Variants in ZGRF1 observed in about 807,000 individuals in gnomAD.
ZGRF1 encodes the protein 5'-3' DNA helicase ZGRF1.
In ZGRF1, 196 loss-of-function variants were observed where a neutral mutation model predicts 203.5. The ratio of observed to expected loss-of-function variants is 0.96; its 90% CI spans 0.86 to 1.08. The LOEUF (loss-of-function observed/expected upper bound fraction) is 1.08, where lower values mean the gene tolerates loss of function less well. Ranked by LOEUF, ZGRF1 falls within the 50% of genes least tolerant of loss-of-function variation. ZGRF1 has a pLI of 0.00. For missense variants in ZGRF1, 2,326 were observed against 2,416.3 expected, an observed-to-expected ratio of 0.96 and a Z score of 0.78; for synonymous variants, 809 against 841.3, an observed-to-expected ratio of 0.96 and a Z score of 0.66.
intron 24 of ZGRF1, among the ~76,000 whole-genome samples, chr4:112,544,802 T>C (rs916016602): frequency 9.2e-5 from 14 of 152,192 alleles, no homozygotes; most frequent in Middle Eastern, 6.8e-3. Flanking sequence ...CAATGACCAA[T>C]GGAAAAGAAT....
At chr4:112,554,905 GA>G in intron 20 of ZGRF1, 123 bp from the exon 21 acceptor site, 1 of 496,310 alleles carries the variant, frequency 2.0e-6, no homozygotes, top group Non-Finnish European at 3.5e-6. Context: ...AATTTAATGT[GA>G]AATACCTAAA....
Position 112,631,967 on chromosome 4 carries a change from T to C in ZGRF1, c.65A>G (p.Gln22Arg), listed in dbSNP as rs898098455. The change falls in exon 3 of 28, where the codon CAA (glutamine) becomes CGA (arginine). Residue 22 changes from glutamine to arginine, a missense_variant. Physicochemically the swap from Gln to Arg is conservative, Grantham distance 43. Transcript: ENST00000505019. ...GTGAGTGATCTTCAGAATTCCATCT[T>C]GCCACACTTTTGACTTCTTCATCTT... Reference protein sequence around the residue: ...HQKMKKSKVWQDGILKITHLG... With the variant: ...HQKMKKSKVWRDGILKITHLG... 4 of 1,598,240 alleles carry C rather than the reference T, an allele frequency of 2.5e-6. No individual in the cohort carries two copies. Among genetic ancestry groups the C allele is most frequent in the East Asian group, 2.3e-5 (1 of 44,426 alleles).
intron 16 of ZGRF1, among the ~76,000 whole-genome samples, chr4:112,564,835 A>G (rs1363387439): frequency 2.0e-5 from 3 of 152,196 alleles, no homozygotes; most frequent in Admixed American, 6.5e-5. Flanking sequence ...CCTGCACAAA[A>G]GTTTCCTTCG....
chr4:112,597,294 G>A (rs964385464), intron 10 of ZGRF1, among the ~76,000 whole-genome samples: 1 of 151,588 alleles, frequency 6.6e-6, no homozygotes, highest in Non-Finnish European at 1.5e-5. Flanking sequence ...GGGAGGCTGA[G>A]GCAGCAGGAA....
chr4:112,551,306 A>C (rs535441626), intron 22 of ZGRF1, among the ~76,000 whole-genome samples: 13 of 152,230 alleles, frequency 8.5e-5, no homozygotes, highest in Non-Finnish European at 1.8e-4. Context: ...ACGTTCACAC[A>C]ATGACAAAAT....
Position 112,539,473 on chromosome 4 carries a change from TA to T in ZGRF1, c.*73del. The stretch of plus-strand genomic sequence containing the variant: ...TTTTTAATAAGAGGGTTTAGAGTAA[TA>T]AAAATATAAAAAATATATCATGTAA... On this transcript the variant is annotated 3_prime_UTR_variant, in exon 28 of 28. Transcript: ENST00000505019. 1 of 790,324 alleles carries T rather than the reference TA, an allele frequency of 1.3e-6. No homozygotes were observed. Among genetic ancestry groups the T allele is most frequent in the Non-Finnish European group, 1.9e-6 (1 of 522,276 alleles). 49.0% of individuals were successfully genotyped at this position (790,324 alleles called of 1,614,324 possible).
intron 16 of ZGRF1, among the ~76,000 whole-genome samples, chr4:112,566,907 T>C (rs1237801318): frequency 1.3e-5 from 2 of 150,748 alleles, no homozygotes; most frequent in East Asian, 3.9e-4. Context: ...TACCCATCCA[T>C]AAGGCAATTT....
chr4:112,592,791 A>C (rs1748396312), intron 10 of ZGRF1, among the ~76,000 whole-genome samples: 1 of 152,194 alleles, frequency 6.6e-6, no homozygotes, highest in Admixed American at 6.5e-5. Context: ...CTATGGAGAG[A>C]ATTATGTACC....
intron 22 of ZGRF1, among the ~76,000 whole-genome samples, chr4:112,552,722 C>T (rs114486997): frequency 1.3e-5 from 2 of 152,126 alleles, no homozygotes; most frequent in Non-Finnish European, 2.9e-5. Context: ...CTCCTTCCCG[C>T]CCTAGGAAAG....
Position 112,540,915 on chromosome 4 carries a change from G to A in ZGRF1, c.5816C>T (p.Thr1939Met), listed in dbSNP as rs150416544. The A allele has an allele frequency of 7.5e-5, 118 of 1,579,142 alleles. 1 individual carries two copies. In the African/African-American group the frequency reaches 9.7e-4, roughly 13 times the overall value. The part of the protein sequence containing the change: ...DNSFHNVAEA[T>M]FTLKLIQSLI... ...TGATTGAATCAGCTTGAGTGTAAAC[G>A]TAGCTTCTGCCACATTATGAAAGCT... The change falls in exon 26 of 28, where the codon ACG becomes ATG. Residue 1939 changes from threonine (T) to methionine (M), a missense_variant. Transcript: ENST00000505019.
At chr4:112,575,930 G>C (rs1449616900) in intron 16 of ZGRF1, among the ~76,000 whole-genome samples, 1 of 152,196 alleles carries the variant, frequency 6.6e-6, no homozygotes, top group East Asian at 1.9e-4. Context: ...GAAGAGAGTA[G>C]TGGTTCTCCC....
At chr4:112,572,977 CAG>C (rs1332080589) in intron 16 of ZGRF1, among the ~76,000 whole-genome samples, 1 of 152,122 alleles carries the variant, frequency 6.6e-6, no homozygotes, top group Non-Finnish European at 1.5e-5. Flanking sequence ...CAGTGGAAAA[CAG>C]TGTGGAGATT....
chr4:112,621,796 C>T (rs891049984), intron 4 of ZGRF1, among the ~76,000 whole-genome samples: 5 of 151,022 alleles, frequency 3.3e-5, no homozygotes, highest in South Asian at 4.2e-4. Context: ...AGCGCAATCT[C>T]GGCTCACCGA....
At position 112,618,608 on chromosome 4, in the gene ZGRF1, A is replaced by G; in HGVS notation, c.1434T>C (p.Ser478=). 1 of 1,613,688 alleles carries G rather than the reference A, an allele frequency of 6.2e-7. No individual in the cohort carries two copies. Among genetic ancestry groups the G allele is most frequent in the Non-Finnish European group, 8.5e-7 (1 of 1,179,796 alleles). Residue 478 remains serine (S), a synonymous_variant, in exon 6 of 28, where the codon TCT becomes TCC. Transcript: ENST00000505019. ...LEKEYEQSES[S]LPELKHLQIE... is the part of the protein sequence containing the mutation. ...TTTGGAGATGTTTCAGTTCTGGCAG[A>G]GATGACTCTGATTGTTCATACTCCT...
At chr4:112,634,593 G>A (rs1479715636) in intron 1 of ZGRF1, among the ~76,000 whole-genome samples, 1 of 152,000 alleles carries the variant, frequency 6.6e-6, no homozygotes, top group Non-Finnish European at 1.5e-5. Flanking sequence ...AGAGGCTGCA[G>A]TGAGCCGAGA....
chr4:112,550,187 A>G (rs1290734559), intron 22 of ZGRF1, among the ~76,000 whole-genome samples: 1 of 150,414 alleles, frequency 6.6e-6, no homozygotes, highest in Non-Finnish European at 1.5e-5. Context: ...GCGAGACTCC[A>G]TCTCAAAAAA....
chr4:112,577,997 A>G (rs1745543993), intron 16 of ZGRF1, among the ~76,000 whole-genome samples: 1 of 122,624 alleles, frequency 8.2e-6, no homozygotes, highest in African/African-American at 2.8e-5. Context: ...GCACCACACC[A>G]CACCTATTCC....
chr4:112,615,590 A>G (rs4833415), intron 6 of ZGRF1, among the ~76,000 whole-genome samples: 9,631 of 151,648 alleles, frequency 0.064, 434 homozygotes, highest in Admixed American at 0.14. Context: ...ATGGTATCAC[A>G]TAACTTTATC....
intron 16 of ZGRF1, among the ~76,000 whole-genome samples, chr4:112,573,979 A>C (rs533664402): frequency 6.6e-6 from 1 of 152,314 alleles, no homozygotes; most frequent in Admixed American, 6.5e-5. Flanking sequence ...ATCATCTTAT[A>C]CTCATTTGAA....
Sources: allele counts gnomAD v4.1 joint callset (sites outside exome capture counted in the v4.1 genomes callset), GRCh38; gene constraint gnomAD v4.1.1; transcripts MANE v1.5; gene names NCBI Gene and HGNC (gene_info 2026-07-23, HGNC 2026-07-21).